CEP112: variants seen among roughly 807,000 people sequenced by gnomAD.
CEP112 encodes centrosomal protein of 112 kDa.
A neutral mutation model predicts 153.0 loss-of-function variants in CEP112; 127 were observed. That is an observed-to-expected ratio of 0.83 (90% CI 0.72 to 0.96). The LOEUF (loss-of-function observed/expected upper bound fraction) is 0.96. CEP112 is among the 40% of genes least tolerant of loss of function. CEP112 has a pLI of 0.00. For missense variants in CEP112, 1,089 were observed against 1,101.2 expected (o/e 0.99, Z 0.16); for synonymous variants, 358 against 374.4 (o/e 0.96, Z 0.51).
At chr17:65,748,656 G>A (rs1247392269) in intron 22 of CEP112, among the ~76,000 whole-genome samples, 1 of 152,144 alleles carries the variant, frequency 6.6e-6, no homozygotes, top group Non-Finnish European at 1.5e-5. Context: ...CATCCTATGA[G>A]GTTAGTACTG....
chr17:65,765,625 C>T (rs2052918049), intron 21 of CEP112, among the ~76,000 whole-genome samples: 2 of 152,048 alleles, frequency 1.3e-5, no homozygotes, highest in Admixed American at 1.3e-4. Flanking sequence ...TTGTGGGGAA[C>T]ATTTAAACAG....
Position 65,775,162 on chromosome 17 carries a change from C to T in CEP112, c.2395-24438G>A, listed in dbSNP as rs8072512. Among the ~76,000 whole-genome samples the T allele has an allele frequency of 2.7e-3, 410 of 152,006 alleles. 4 individuals carry two copies. The highest frequency in any genetic ancestry group is 9.6e-3 in the African/African-American group (399 of 41,472). ...AACATAGGGGAGAGGAACCTGAAGC[C>T]GTAGCAAGCTCACTTAGGCCTAAAG... On this transcript the variant is annotated intron_variant, in intron 21 of 26. Transcript: ENST00000535342.
At chr17:65,878,632 G>A (rs1341789461) in intron 20 of CEP112, among the ~76,000 whole-genome samples, 1 of 152,062 alleles carries the variant, frequency 6.6e-6, no homozygotes, top group Non-Finnish European at 1.5e-5. Flanking sequence ...CGGAACTAGT[G>A]GGGAGGCTTC....
chr17:65,949,398 G>A (rs764881552), intron 18 of CEP112, among the ~76,000 whole-genome samples: 1 of 152,296 alleles, frequency 6.6e-6, no homozygotes, highest in Non-Finnish European at 1.5e-5. Flanking sequence ...TCCTGTTCAT[G>A]GGTTGCTGTT....
intron 12 of CEP112, among the ~76,000 whole-genome samples, chr17:66,052,021 A>G (rs577756526): frequency 4.2e-4 from 64 of 152,256 alleles, no homozygotes; most frequent in African/African-American, 1.4e-3. Context: ...ATCATCTAAC[A>G]CAAAGCCTAT....
chr17:65,650,117 T>G (rs916521915), intron 24 of CEP112, among the ~76,000 whole-genome samples: 2 of 152,240 alleles, frequency 1.3e-5, no homozygotes, highest in Non-Finnish European at 2.9e-5. Flanking sequence ...CAATGCCCTG[T>G]GCTTTTTCTC....
chr17:65,771,461 C>T (rs2053349756), intron 21 of CEP112, among the ~76,000 whole-genome samples: 1 of 152,070 alleles, frequency 6.6e-6, no homozygotes, highest in South Asian at 2.1e-4. Flanking sequence ...ATTCAAAACT[C>T]CTTTCACAGG....
In CEP112 at chr17:65,826,464, C is replaced by G. The variant is rs1035118395; in HGVS notation, c.2394+25340G>C. 51 of 1,496,842 alleles carry G rather than the reference C, an allele frequency of 3.4e-5. No homozygotes were observed. The East Asian group carries it at 5.7e-4, about 17-fold the overall frequency. 92.7% of individuals were successfully genotyped at this position (1,496,842 alleles called of 1,614,324 possible). ...GGTTAGAGTGTCTGAGATTCCCCAC[C>G]ACAATCTCTTAGGTGGGGGTGAGGT... is the stretch of plus-strand genomic sequence containing the variant. On this transcript the variant is annotated intron_variant, in intron 21 of 26. Transcript: ENST00000535342.
intron 19 of CEP112, among the ~76,000 whole-genome samples, chr17:65,914,526 A>G (rs2060403348): frequency 6.6e-6 from 1 of 152,096 alleles, no homozygotes; most frequent in Admixed American, 6.5e-5. Flanking sequence ...CATCTTCCCC[A>G]TCACCAAATT....
chr17:65,811,166 T>C (rs1267237215), intron 21 of CEP112, among the ~76,000 whole-genome samples: 1 of 152,184 alleles, frequency 6.6e-6, no homozygotes, highest in African/African-American at 2.4e-5. Context: ...GTTTAGATAC[T>C]GTAGTAGAGT....
intron 4 of CEP112, among the ~76,000 whole-genome samples, chr17:66,162,862 T>C (rs2071771645): frequency 1.3e-5 from 2 of 152,138 alleles, no homozygotes; most frequent in South Asian, 4.1e-4. Flanking sequence ...TCATCAAGCT[T>C]TACACTTTGA....
intron 17 of CEP112, among the ~76,000 whole-genome samples, chr17:65,985,346 A>C (rs1031747135): frequency 1.3e-5 from 2 of 152,148 alleles, no homozygotes; most frequent in African/African-American, 4.8e-5. Context: ...AACAAAATAC[A>C]AGAAGGCAAG....
At chr17:66,075,531 TA>T (rs1284491270) in intron 8 of CEP112, among the ~76,000 whole-genome samples, 11 of 150,134 alleles carry the variant, frequency 7.3e-5, no homozygotes, top group East Asian at 4.0e-4. Flanking sequence ...TAGTGAAAAA[TA>T]AAAAAAGGGG....
chr17:66,004,838 A>C (rs2064206511), intron 17 of CEP112, among the ~76,000 whole-genome samples: 1 of 152,198 alleles, frequency 6.6e-6, no homozygotes, highest in Non-Finnish European at 1.5e-5. Context: ...TAGGGAAGCA[A>C]GTAAAATAAA....
At chr17:65,844,998 C>T (rs1392074255) in intron 21 of CEP112, among the ~76,000 whole-genome samples, 1 of 146,216 alleles carries the variant, frequency 6.8e-6, no homozygotes, top group East Asian at 2.0e-4. Flanking sequence ...GGCGACAGAA[C>T]AAGACTCTGT....
chr17:66,008,363 C>T (rs1013072239), intron 16 of CEP112, among the ~76,000 whole-genome samples: 1 of 151,954 alleles, frequency 6.6e-6, no homozygotes, highest in Non-Finnish European at 1.5e-5. Context: ...CTGTCTAAAA[C>T]TTTTATTTTT....
In CEP112 at chr17:66,063,075, G is replaced by A; in HGVS notation, c.962C>T (p.Thr321Ile). Residue 321 changes from threonine (T) to isoleucine (I), a missense_variant, in exon 11 of 27, where the codon ACA (threonine) becomes ATA (isoleucine). Physicochemically the swap from Thr to Ile is moderately conservative, Grantham distance 89 (BLOSUM62 -1). Transcript: ENST00000535342. ...TIRKLEKKVQ[T>I]LIRDCQVIRE... Reference sequence around the variant, plus strand: ...GATAACTTGACAGTCACGTATCAGTGTCTGAACTGTCAAAAATTTTGAAAA... The same window carrying A: ...GATAACTTGACAGTCACGTATCAGTATCTGAACTGTCAAAAATTTTGAAAA... 6.5e-7 allele frequency: 1 copy of A among 1,530,638 alleles called. No homozygotes were observed. Among genetic ancestry groups the A allele is most frequent in the Non-Finnish European group, 8.8e-7 (1 of 1,136,684 alleles). The allele number at this position is 1,530,638 out of a possible 1,614,324, so 94.8% of individuals were successfully genotyped here.
chr17:65,661,744 T>G (rs1208250401), intron 24 of CEP112: 3 of 152,192 alleles, frequency 2.0e-5, no homozygotes, highest in African/African-American at 7.2e-5. Flanking sequence ...ACCTATTATG[T>G]AGGCTGGAGT....
chr17:65,685,109 G>A (rs2047716627), intron 24 of CEP112, among the ~76,000 whole-genome samples: 1 of 152,202 alleles, frequency 6.6e-6, no homozygotes, highest in Non-Finnish European at 1.5e-5. Flanking sequence ...GCCCCACAAT[G>A]AGCACATCTT....
Sources: gnomAD v4.1 joint callset for allele counts (sites outside exome capture counted in the v4.1 genomes callset) on GRCh38, gnomAD v4.1.1 for gene constraint, MANE v1.5 for transcripts, NCBI Gene and HGNC (gene_info 2026-07-23, HGNC 2026-07-21) for gene names.